Variants in PLCL1 observed in about 807,000 individuals in gnomAD.
PLCL1 encodes inactive phospholipase C-like protein 1.
In PLCL1, 41 loss-of-function variants were observed where a neutral mutation model predicts 84.4. The ratio of observed to expected loss-of-function variants is 0.49; its 90% confidence interval spans 0.38 to 0.63. The LOEUF is 0.63. Ranked by LOEUF, PLCL1 falls within the 30% of genes least tolerant of loss-of-function variation. PLCL1 has a pLI of 0.00. For missense variants in PLCL1, 1,206 were observed against 1,367.8 expected, an observed-to-expected ratio of 0.88 and a Z score of 1.87; for synonymous variants, 490 against 488.3, an observed-to-expected ratio of 1.00 and a Z score of -0.05.
At chr2:197,831,252 GTGTGCTGTAT>G (rs1691052977) in intron 1 of PLCL1, among the ~76,000 whole-genome samples, 1 of 152,094 alleles carries the variant, frequency 6.6e-6, no homozygotes, top group South Asian at 2.1e-4. Context: ...AGACCCATCA[GTGTGCTGTAT>G]TCAGGAGACC....
intron 3 of PLCL1, among the ~76,000 whole-genome samples, chr2:198,100,082 T>A (rs1175898551): frequency 6.6e-6 from 1 of 152,132 alleles, no homozygotes; most frequent in Non-Finnish European, 1.5e-5. Flanking sequence ...AAGTGGTCAG[T>A]AATAAATAAA....
At position 198,147,260 on chromosome 2, in the gene PLCL1, G is replaced by C. The variant is rs1694549217; in HGVS notation, c.*298G>C. 1 of 208,618 alleles carries C rather than the reference G, an allele frequency of 4.8e-6. No individual in the cohort carries two copies. The highest frequency in any genetic ancestry group is 2.3e-5 in the African/African-American group (1 of 43,784). The allele number at this position is 208,618 out of a possible 1,614,324, so 12.9% of individuals were successfully genotyped here. A position where few individuals can be genotyped will look rare whatever the true frequency, so the allele number is the denominator to read the frequency against. On this transcript the variant is annotated 3_prime_UTR_variant, in exon 6 of 6. Transcript: ENST00000428675. ...GCAGAGAGAGAGAAAGAGAGAGAGA[G>C]AGAGAAATTCTGTTAAAATCTATTC...
intron 1 of PLCL1, chr2:197,810,252 C>A: frequency 8.2e-7 from 1 of 1,222,168 alleles, no homozygotes; most frequent in Non-Finnish European, 1.1e-6. Context: ...GAAGTGGTTG[C>A]TTCTTATTGC....
chr2:198,017,375 G>A (rs1691023370), intron 1 of PLCL1, among the ~76,000 whole-genome samples: 1 of 152,226 alleles, frequency 6.6e-6, no homozygotes, highest in African/African-American at 2.4e-5. Context: ...GGCTGAATAA[G>A]AAGGATGACA....
In PLCL1 at chr2:198,084,900, C is replaced by G; in HGVS notation, c.1383C>G (p.Asn461Lys). 1 of 1,613,972 alleles carries G rather than the reference C, an allele frequency of 6.2e-7. No homozygotes were observed. Among genetic ancestry groups the G allele is most frequent in the Non-Finnish European group, 8.5e-7 (1 of 1,179,942 alleles). Residue 461 changes from asparagine to lysine, a missense_variant, in exon 2 of 6, where the codon AAC becomes AAG. Coordinates refer to ENST00000428675, the MANE Select transcript of PLCL1 (RefSeq NM_006226.4). Reference protein sequence around the residue: ...DNEPILCNRNNMTTHVSFRSV... With the variant: ...DNEPILCNRNKMTTHVSFRSV... ...AACCAATCCTTTGTAATCGAAATAA[C>G]ATGACAACCCATGTTTCCTTTCGAA...
At chr2:198,021,958 T>C (rs894267018) in intron 1 of PLCL1, among the ~76,000 whole-genome samples, 5 of 152,230 alleles carry the variant, frequency 3.3e-5, no homozygotes, top group African/African-American at 1.2e-4. Context: ...CCAATGTTCC[T>C]GATGATCATC....
At chr2:197,931,439 G>T (rs1156736652) in intron 1 of PLCL1, among the ~76,000 whole-genome samples, 1 of 152,088 alleles carries the variant, frequency 6.6e-6, no homozygotes, top group African/African-American at 2.4e-5. Flanking sequence ...AACTTATAAG[G>T]CAGTCTACAC....
chr2:197,970,088 TG>T (rs1244161435), intron 1 of PLCL1, among the ~76,000 whole-genome samples: 1 of 152,224 alleles, frequency 6.6e-6, no homozygotes, highest in Admixed American at 6.5e-5. Context: ...TTTCTGTTGC[TG>T]TAACGGAATA....
chr2:198,101,725 AC>A (rs1321531957), intron 4 of PLCL1, among the ~76,000 whole-genome samples: 2 of 152,056 alleles, frequency 1.3e-5, no homozygotes. Flanking sequence ...TACAATTGGA[AC>A]CAAAATCCTA....
chr2:197,884,828 T>C (rs1416976915), intron 1 of PLCL1, among the ~76,000 whole-genome samples: 1 of 152,196 alleles, frequency 6.6e-6, no homozygotes, highest in Non-Finnish European at 1.5e-5. Context: ...AATTCCCTGC[T>C]TCTTGTGTTG....
chr2:197,979,366 T>G (rs1490728177), intron 1 of PLCL1, among the ~76,000 whole-genome samples: 4 of 152,342 alleles, frequency 2.6e-5, no homozygotes, highest in South Asian at 4.1e-4. Context: ...AAGTTAACTT[T>G]GAGGTACCCA....
chr2:197,861,911 T>G (rs1024137087), intron 1 of PLCL1, among the ~76,000 whole-genome samples: 1 of 152,188 alleles, frequency 6.6e-6, no homozygotes, highest in African/African-American at 2.4e-5. Flanking sequence ...GGAATGAAGA[T>G]GAATAATAAT....
intron 5 of PLCL1, among the ~76,000 whole-genome samples, chr2:198,146,180 A>T (rs1216342836): frequency 6.6e-6 from 1 of 152,152 alleles, no homozygotes; most frequent in Admixed American, 6.5e-5. Flanking sequence ...TCCATCTGCC[A>T]GGTGGGAACA....
intron 1 of PLCL1, among the ~76,000 whole-genome samples, chr2:198,006,659 C>T (rs574911130): frequency 6.6e-6 from 1 of 152,288 alleles, no homozygotes; most frequent in South Asian, 2.1e-4. Context: ...GAAGGATTCT[C>T]TTCCTGGAGA....
At chr2:198,120,798 T>C (rs1446884501) in intron 5 of PLCL1, among the ~76,000 whole-genome samples, 2 of 152,068 alleles carry the variant, frequency 1.3e-5, no homozygotes, top group East Asian at 3.9e-4. Flanking sequence ...GGTAACTCTT[T>C]GATATACTGA....
chr2:197,859,887 T>G (rs1242876543), intron 1 of PLCL1, among the ~76,000 whole-genome samples: 1 of 152,152 alleles, frequency 6.6e-6, no homozygotes, highest in Non-Finnish European at 1.5e-5. Flanking sequence ...TAAAAAATTT[T>G]TTTAAGTTCA....
chr2:197,847,586 C>A (rs700682), intron 1 of PLCL1, among the ~76,000 whole-genome samples: 110,719 of 152,090 alleles, frequency 0.73, 41,387 homozygotes, highest in African/African-American at 0.9. Context: ...CCTAAGAGAC[C>A]CAGATATTTG....
chr2:198,006,804 T>A (rs1161347317), intron 1 of PLCL1, among the ~76,000 whole-genome samples: 1 of 152,206 alleles, frequency 6.6e-6, no homozygotes, highest in Non-Finnish European at 1.5e-5. Context: ...CTGCCTTTGC[T>A]GCAAAGGACC....
chr2:197,866,159 CTATA>C (rs532631653), intron 1 of PLCL1, among the ~76,000 whole-genome samples: 2 of 8,986 alleles, frequency 2.2e-4, no homozygotes, highest in Non-Finnish European at 3.7e-4. Flanking sequence ...TATATATAAA[CTATA>C]TATATATATA....
Sources: allele counts gnomAD v4.1 joint callset (sites outside exome capture counted in the v4.1 genomes callset), GRCh38; gene constraint gnomAD v4.1.1; transcripts MANE v1.5; gene names NCBI Gene and HGNC (gene_info 2026-07-23, HGNC 2026-07-21).